Variants in KIAA1328 observed in about 807,000 individuals in gnomAD.
KIAA1328 encodes KIAA1328.
A neutral mutation model predicts 68.1 loss-of-function variants in KIAA1328; 52 were observed. The observed-to-expected ratio is 0.76, with a 90% CI of 0.61 to 0.96. The LOEUF (loss-of-function observed/expected upper bound fraction) is 0.96. Ranked by LOEUF, KIAA1328 falls within the 40% of genes least tolerant of loss-of-function variation. The pLI is 0.00. For missense variants in KIAA1328, 641 were observed against 677.6 expected (o/e 0.95, Z 0.60); for synonymous variants, 232 against 239.4 (o/e 0.97, Z 0.28).
chr18:37,062,493 T>A (rs2056188529), intron 6 of KIAA1328, among the ~76,000 whole-genome samples: 1 of 150,848 alleles, frequency 6.6e-6, no homozygotes, highest in South Asian at 2.1e-4. Flanking sequence ...CACTCTAGAG[T>A]CGCCCAGGCT....
chr18:36,988,321 A>G (rs143159335), intron 6 of KIAA1328, among the ~76,000 whole-genome samples: 2 of 152,200 alleles, frequency 1.3e-5, no homozygotes, highest in African/African-American at 4.8e-5. Context: ...TGAAATTTCC[A>G]TGTTTCAACT....
chr18:36,992,216 C>T (rs1257077461), intron 6 of KIAA1328, among the ~76,000 whole-genome samples: 1 of 152,120 alleles, frequency 6.6e-6, no homozygotes, highest in East Asian at 1.9e-4. Context: ...AGTTTCTTTG[C>T]TGTCTTTATG....
intron 4 of KIAA1328, among the ~76,000 whole-genome samples, chr18:36,853,694 T>C (rs888433714): frequency 3.3e-5 from 5 of 152,154 alleles, no homozygotes; most frequent in African/African-American, 1.2e-4. Flanking sequence ...AGTCTTGCTC[T>C]GTTGCCCAGG....
intron 9 of KIAA1328, among the ~76,000 whole-genome samples, chr18:37,220,922 G>C (rs527866773): frequency 6.6e-6 from 1 of 152,292 alleles, no homozygotes; most frequent in African/African-American, 2.4e-5. Flanking sequence ...CACTTTCCAG[G>C]TTCAAGCGAT....
In KIAA1328 at chr18:37,145,365, C is replaced by T. The variant is rs113975808; in HGVS notation, c.1233-14835C>T. 3.5e-3 allele frequency among the ~76,000 whole-genome samples: 538 copies of T among 152,052 alleles called. 3 individuals are homozygous for T. The highest frequency in any genetic ancestry group is 0.012 in the African/African-American group (506 of 41,488). ...AAATGTATTGAACTTTATTTTATAA[C>T]ACAACGTGTGATCTGTCTTGGTCAG... On this transcript the variant is annotated intron_variant, in intron 7 of 9. Transcript: ENST00000280020.
At chr18:36,953,093 T>A (rs2051230717) in intron 5 of KIAA1328, among the ~76,000 whole-genome samples, 1 of 151,676 alleles carries the variant, frequency 6.6e-6, no homozygotes, top group Admixed American at 6.6e-5. Flanking sequence ...ACTGTGTACC[T>A]TCTACCTAGA....
intron 5 of KIAA1328, among the ~76,000 whole-genome samples, chr18:36,956,027 T>G (rs1290603422): frequency 6.6e-6 from 1 of 152,182 alleles, no homozygotes; most frequent in Non-Finnish European, 1.5e-5. Context: ...CTGTGATTTG[T>G]CTCTCACACA....
chr18:37,209,571 G>C lies in KIAA1328; in HGVS notation c.1524-12446G>C, dbSNP rs768067252. Among the ~76,000 whole-genome samples the C allele has an allele frequency of 2.2e-4, 33 of 152,096 alleles. 1 individual carries two copies. Among genetic ancestry groups the C allele is most frequent in the Non-Finnish European group, 4.4e-5 (3 of 68,034 alleles). The stretch of plus-strand genomic sequence containing the variant: ...TATTTTGGATGGAGTGGCTAAAGAA[G>C]GCCTCTTTGAGGAGGTGACATTTAA... On this transcript the variant is annotated intron_variant, in intron 9 of 9. Coordinates refer to ENST00000280020, the MANE Select transcript of KIAA1328 (RefSeq NM_020776.3).
At chr18:37,121,416 T>TTCTA (rs59343128) in intron 7 of KIAA1328, among the ~76,000 whole-genome samples, 43,991 of 148,694 alleles carry the variant, frequency 0.3, 6,522 homozygotes, top group East Asian at 0.37. Flanking sequence ...ATTTTAGGAC[T>TTCTA]TCTATCTATC....
chr18:37,088,320 G>GAT (rs2057165234), intron 7 of KIAA1328, among the ~76,000 whole-genome samples: 1 of 152,102 alleles, frequency 6.6e-6, no homozygotes, highest in South Asian at 2.1e-4. Context: ...AGAGAATAGA[G>GAT]ATACGTATTC....
chr18:37,017,810 G>A (rs1468645375), intron 6 of KIAA1328, among the ~76,000 whole-genome samples: 5 of 151,760 alleles, frequency 3.3e-5, no homozygotes, highest in Non-Finnish European at 7.4e-5. Context: ...CTATTTATGC[G>A]GTACATCTTT....
At chr18:36,885,536 G>GTTTT in intron 4 of KIAA1328, 21 bp from the exon 5 acceptor site, 4 of 1,059,050 alleles carry the variant, frequency 3.8e-6, no homozygotes, top group Admixed American at 3.1e-5. Context: ...GATGTTAAAG[G>GTTTT]TTTTTTTTTT....
intron 6 of KIAA1328, among the ~76,000 whole-genome samples, chr18:36,977,491 G>C (rs935011530): frequency 2.0e-5 from 3 of 152,122 alleles, no homozygotes; most frequent in African/African-American, 7.2e-5. Context: ...TTGACAGATT[G>C]AGTGACTGCT....
chr18:37,066,363 T>A (rs2151731148), intron 6 of KIAA1328, among the ~76,000 whole-genome samples: 1 of 152,330 alleles, frequency 6.6e-6, no homozygotes, highest in East Asian at 1.9e-4. Flanking sequence ...TTGTTGAAAG[T>A]GGTTGGTTTT....
intron 4 of KIAA1328, 40 bp from the exon 5 acceptor site, chr18:36,885,517 A>G: frequency 8.0e-7 from 1 of 1,245,120 alleles, no homozygotes; most frequent in Non-Finnish European, 1.1e-6. Flanking sequence ...ATTTAATTTT[A>G]TTCTGATAGA....
intron 7 of KIAA1328, among the ~76,000 whole-genome samples, chr18:37,086,981 A>C (rs965270642): frequency 2.5e-4 from 38 of 152,302 alleles, no homozygotes; most frequent in African/African-American, 8.2e-4. Context: ...TTGAGAACTC[A>C]TCTTACTGAG....
chr18:37,216,622 G>A (rs2060440103), intron 9 of KIAA1328, among the ~76,000 whole-genome samples: 1 of 152,164 alleles, frequency 6.6e-6, no homozygotes, highest in Non-Finnish European at 1.5e-5. Context: ...TTGGGGTGGA[G>A]AGTTATGTAG....
intron 4 of KIAA1328, among the ~76,000 whole-genome samples, chr18:36,857,750 C>T (rs2150872504): frequency 6.6e-6 from 1 of 152,298 alleles, no homozygotes; most frequent in East Asian, 1.9e-4. Flanking sequence ...GCCCCCTACT[C>T]TGCTATGTTT....
intron 7 of KIAA1328, among the ~76,000 whole-genome samples, chr18:37,135,007 C>T (rs2058610896): frequency 6.6e-6 from 1 of 152,166 alleles, no homozygotes; most frequent in Admixed American, 6.5e-5. Context: ...CAGTGGCATC[C>T]ATGTTGCTAA....
Sources: allele counts gnomAD v4.1 joint callset (sites outside exome capture counted in the v4.1 genomes callset), GRCh38; gene constraint gnomAD v4.1.1; transcripts MANE v1.5; gene names NCBI Gene and HGNC (gene_info 2026-07-23, HGNC 2026-07-21).